The following UMAD1 variants were observed in gnomAD, a reference collection of about 807,000 sequenced individuals.
The protein encoded by UMAD1 is UBAP1-MVB12-associated (UMA)-domain containing protein 1.
In UMAD1, 8 loss-of-function variants were observed where a neutral mutation model predicts 6.1. The ratio of observed to expected loss-of-function variants is 1.30; its 90% CI spans 0.76 to 2.35. UMAD1 has a LOEUF of 2.35. Among genes scored for constraint, UMAD1 ranks in the 30% most tolerant of loss-of-function variants. UMAD1 has a pLI of 0.00. For missense variants in UMAD1, 130 were observed against 78.4 expected, an observed-to-expected ratio of 1.66 and a Z score of -2.49; for synonymous variants, 56 against 31.4, an observed-to-expected ratio of 1.78 and a Z score of -2.61.
rs372453524 is a variant in UMAD1 at position 7,678,681 on chromosome 7, A to G, written c.82+5228A>G. Among the ~76,000 whole-genome samples, 225 of 55,928 alleles carry G rather than the reference A, an allele frequency of 4.0e-3. 1 individual carries two copies. The highest frequency in any genetic ancestry group is 6.3e-3 in the Non-Finnish European group (185 of 29,324). The allele number at this position is 55,928 out of a possible 152,430, so 36.7% of individuals were successfully genotyped here. On this transcript the variant is annotated intron_variant, in intron 2 of 3. Coordinates refer to ENST00000682710, the MANE Select transcript of UMAD1 (RefSeq NM_001302348.2). The stretch of plus-strand genomic sequence containing the variant: ...ATTTAGTTTATAAATATATATTTAT[A>G]TATTTAGTTTATAAATATATATTTA...
intron 2 of UMAD1, among the ~76,000 whole-genome samples, chr7:7,796,774 A>T (rs62434086): frequency 0.062 from 9,402 of 152,144 alleles, 379 homozygotes; most frequent in Non-Finnish European, 0.086. Flanking sequence ...TCAGCAAGAG[A>T]ATACCGTTTC....
chr7:7,725,854 T>G (rs1205261002), intron 2 of UMAD1, among the ~76,000 whole-genome samples: 1 of 152,200 alleles, frequency 6.6e-6, no homozygotes, highest in Non-Finnish European at 1.5e-5. Context: ...AAGAGAAGAC[T>G]AGGGTCTGGT....
intron 3 of UMAD1, among the ~76,000 whole-genome samples, chr7:7,835,390 T>C (rs974089835): frequency 2.0e-5 from 3 of 148,846 alleles, no homozygotes; most frequent in Non-Finnish European, 3.0e-5. Context: ...CTGCTTTCTT[T>C]TTTTTTTTTT....
chr7:7,819,863 A>G (rs1783207856), intron 3 of UMAD1, among the ~76,000 whole-genome samples: 1 of 152,194 alleles, frequency 6.6e-6, no homozygotes, highest in Non-Finnish European at 1.5e-5. Context: ...AATATTTCTT[A>G]TACACCTATT....
intron 3 of UMAD1, among the ~76,000 whole-genome samples, chr7:7,859,394 G>A (rs1784075028): frequency 6.6e-6 from 1 of 152,144 alleles, no homozygotes; most frequent in South Asian, 2.1e-4. Context: ...TCCATTATAT[G>A]AGTCCTTCAC....
chr7:7,865,604 C>T (rs73061237), intron 3 of UMAD1, among the ~76,000 whole-genome samples: 33,080 of 152,158 alleles, frequency 0.22, 4,438 homozygotes, highest in Middle Eastern at 0.3. Flanking sequence ...ACCTGCCCAT[C>T]CCCTTGCCTA....
At chr7:7,710,588 C>T (rs551288341) in intron 2 of UMAD1, among the ~76,000 whole-genome samples, 1 of 152,092 alleles carries the variant, frequency 6.6e-6, no homozygotes, top group African/African-American at 2.4e-5. Context: ...GAATCTGGAT[C>T]ACTTATTGAT....
chr7:7,873,731 A>C (rs1401046401), intron 3 of UMAD1, among the ~76,000 whole-genome samples: 1 of 152,194 alleles, frequency 6.6e-6, no homozygotes, highest in African/African-American at 2.4e-5. Flanking sequence ...CCTTCTCTAT[A>C]AATTCTCTAT....
At chr7:7,778,275 T>TGTGTGTGTGAGA (rs1271237125) in intron 2 of UMAD1, among the ~76,000 whole-genome samples, 132 of 110,626 alleles carry the variant, frequency 1.2e-3, no homozygotes, top group Admixed American at 3.3e-3. Context: ...TGTGTGTGTG[T>TGTGTGTGTGAGA]GAGAGAGAGA....
At chr7:7,766,689 A>G (rs1781990483) in intron 2 of UMAD1, among the ~76,000 whole-genome samples, 1 of 152,178 alleles carries the variant, frequency 6.6e-6, no homozygotes, top group Admixed American at 6.5e-5. Context: ...TAAAGTTCAA[A>G]CCTGTGATTG....
At chr7:7,837,618 T>A (rs1783595613) in intron 3 of UMAD1, among the ~76,000 whole-genome samples, 1 of 151,680 alleles carries the variant, frequency 6.6e-6, no homozygotes, top group Non-Finnish European at 1.5e-5. Context: ...TAGTGGAGAT[T>A]TAAAAAGGAA....
intron 1 of UMAD1, among the ~76,000 whole-genome samples, chr7:7,658,623 G>A (rs1785401687): frequency 1.3e-5 from 2 of 152,176 alleles, no homozygotes; most frequent in Admixed American, 1.3e-4. Flanking sequence ...TTATTGATTT[G>A]TGTATGTTGA....
chr7:7,812,610 A>C (rs987659263), intron 3 of UMAD1, among the ~76,000 whole-genome samples: 2 of 152,132 alleles, frequency 1.3e-5, no homozygotes, highest in African/African-American at 4.8e-5. Flanking sequence ...TTTGTTTATC[A>C]AATCTAGTTT....
chr7:7,645,294 G>A (rs1785068735), intron 1 of UMAD1, among the ~76,000 whole-genome samples: 1 of 152,180 alleles, frequency 6.6e-6, no homozygotes, highest in Non-Finnish European at 1.5e-5. Flanking sequence ...GGGTTTAGCT[G>A]CATAAACAAA....
At chr7:7,677,027 G>A (rs1459660547) in intron 2 of UMAD1, among the ~76,000 whole-genome samples, 1 of 151,944 alleles carries the variant, frequency 6.6e-6, no homozygotes, top group Non-Finnish European at 1.5e-5. Flanking sequence ...TAGATCAAAT[G>A]GTAAATAGAA....
At position 7,877,660 on chromosome 7, in the gene UMAD1, A is replaced by C. The variant is rs1784449151; in HGVS notation, c.*122A>C. 1 of 614,892 alleles carries C rather than the reference A, an allele frequency of 1.6e-6. No homozygotes were observed. The highest frequency in any genetic ancestry group is 2.9e-6 in the Non-Finnish European group (1 of 341,894). 38.1% of individuals were successfully genotyped at this position (614,892 alleles called of 1,614,324 possible). ...TCAGCAAGGATCATAAAGCAAAGAA[A>C]ATAGCATTATGTTCACTACTCTATT... On this transcript the variant is annotated 3_prime_UTR_variant, in exon 4 of 4. Transcript: ENST00000682710.
chr7:7,815,667 G>A (rs1294621593), intron 3 of UMAD1, among the ~76,000 whole-genome samples: 2 of 152,108 alleles, frequency 1.3e-5, no homozygotes, highest in Non-Finnish European at 2.9e-5. Context: ...GAATAAAACT[G>A]TGTCCAGAAA....
chr7:7,673,350 A>T lies in UMAD1; in HGVS notation c.-22A>T. 1 of 1,280,768 alleles carries T rather than the reference A, an allele frequency of 7.8e-7. No individual in the cohort carries two copies. The highest frequency in any genetic ancestry group is 1.1e-6 in the Non-Finnish European group (1 of 913,672). 79.3% of individuals were successfully genotyped at this position (1,280,768 alleles called of 1,614,324 possible). A position where few individuals can be genotyped will look rare whatever the true frequency, so the allele number is the denominator to read the frequency against. On this transcript the variant is annotated 5_prime_UTR_variant, in exon 2 of 4. Coordinates refer to ENST00000682710, the MANE Select transcript of UMAD1 (RefSeq NM_001302348.2). ...CAGCAGCAGCAGCAGCAGCAGCAGC[A>T]GCAGCAGCAGCAGCAGCAGCAATGT...
At chr7:7,816,068 A>G (rs1783118636) in intron 3 of UMAD1, among the ~76,000 whole-genome samples, 1 of 152,170 alleles carries the variant, frequency 6.6e-6, no homozygotes, top group South Asian at 2.1e-4. Flanking sequence ...GCTAAGCACA[A>G]TGCTGGTAGG....
Sources: allele counts gnomAD v4.1 joint callset (sites outside exome capture counted in the v4.1 genomes callset), GRCh38; gene constraint gnomAD v4.1.1; transcripts MANE v1.5; gene names NCBI Gene and HGNC (gene_info 2026-07-23, HGNC 2026-07-21).